The following OR2C1 variants were observed in gnomAD, a reference collection of about 807,000 sequenced individuals.
OR2C1 encodes olfactory receptor 2C1.
For synonymous variants in OR2C1, 209 were observed against 167.3 expected, an observed-to-expected ratio of 1.25 and a Z score of -1.92; for missense variants, 468 against 388.3, an observed-to-expected ratio of 1.21 and a Z score of -1.73.
At chr16:3,326,482 T>C in the OR2C1 span, among the ~76,000 whole-genome samples, 1 of 152,224 alleles carries the variant, frequency 6.6e-6, no homozygotes, top group East Asian at 1.9e-4. Flanking sequence ...TATGGTTCAG[T>C]GCCCTCTGTT....
the OR2C1 span, among the ~76,000 whole-genome samples, chr16:3,348,759 C>G: frequency 6.6e-6 from 1 of 152,302 alleles, no homozygotes; most frequent in Admixed American, 6.5e-5. Context: ...TCTTCTGTGA[C>G]ATCTAACGGC....
chr16:3,337,473 CTG>C, the OR2C1 span, among the ~76,000 whole-genome samples: 73 of 152,172 alleles, frequency 4.8e-4, 1 homozygote, highest in South Asian at 4.2e-4. Context: ...CCATCCCTGA[CTG>C]TGTATTTTAA....
chr16:3,331,870 T>A, the OR2C1 span, among the ~76,000 whole-genome samples: 1 of 151,098 alleles, frequency 6.6e-6, no homozygotes, highest in African/African-American at 2.4e-5. Context: ...ATGTGGCACA[T>A]ATACACCATG....
At chr16:3,332,722 T>TATAC in the OR2C1 span, among the ~76,000 whole-genome samples, 6 of 151,326 alleles carry the variant, frequency 4.0e-5, 1 homozygote, top group Non-Finnish European at 7.4e-5. Context: ...TTCTATTGCA[T>TATAC]ATATATATAT....
chr16:3,351,605 G>A (rs998844926), upstream of OR2C1, among the ~76,000 whole-genome samples: 3 of 152,062 alleles, frequency 2.0e-5, no homozygotes, highest in South Asian at 6.2e-4. Flanking sequence ...AAAAATCTGT[G>A]TACTCCATTA....
chr16:3,330,152 G>T, the OR2C1 span, among the ~76,000 whole-genome samples: 5 of 152,152 alleles, frequency 3.3e-5, no homozygotes, highest in South Asian at 2.1e-4. Context: ...TGTTGCCCAG[G>T]CTGGAGTGCA....
chr16:3,358,052 C>T (rs889117319), downstream of OR2C1, among the ~76,000 whole-genome samples: 4 of 152,004 alleles, frequency 2.6e-5, no homozygotes, highest in Non-Finnish European at 5.9e-5. Context: ...ATCTCTCCAT[C>T]ATCTTGTTTA....
At chr16:3,350,595 T>C in the OR2C1 span, among the ~76,000 whole-genome samples, 3 of 150,750 alleles carry the variant, frequency 2.0e-5, no homozygotes, top group Non-Finnish European at 4.4e-5. Flanking sequence ...GTATTTTTAC[T>C]GGAGACGGGG....
the OR2C1 span, among the ~76,000 whole-genome samples, chr16:3,324,110 T>C: frequency 6.6e-6 from 1 of 152,280 alleles, no homozygotes; most frequent in Admixed American, 6.5e-5. Flanking sequence ...AATTAAATAT[T>C]TGTAGCATTA....
chr16:3,342,324 A>G, the OR2C1 span, among the ~76,000 whole-genome samples: 1 of 152,242 alleles, frequency 6.6e-6, no homozygotes, highest in Non-Finnish European at 1.5e-5. Flanking sequence ...TTATGTCAAT[A>G]TTAAGGATTT....
Position 3,356,629 on chromosome 16 carries a change from C to T in OR2C1, c.689C>T (p.Ser230Phe). 6.2e-7 allele frequency: 1 copy of T among 1,614,196 alleles called. No individual in the cohort carries two copies. Among genetic ancestry groups the T allele is most frequent in the Non-Finnish European group, 8.5e-7 (1 of 1,180,030 alleles). The change falls in exon 1 of 1, where the codon TCT (serine) becomes TTT (phenylalanine). Residue 230 changes from serine to phenylalanine, a missense_variant. Coordinates refer to ENST00000304936, the MANE Select transcript of OR2C1 (RefSeq NM_012368.3). ...GCTCAGGCAGTGCTGAAAATCCGCT[C>T]TGCAGAGGGGAGGCGAAAGGCGTTC... ...LIAQAVLKIR[S>F]AEGRRKAFNT...
rs759582210 is a variant in OR2C1 at position 3,356,596 on chromosome 16, G to A, written c.656G>A (p.Cys219Tyr). Residue 219 changes from cysteine (C) to tyrosine (Y), a missense_variant, in exon 1 of 1, where the codon TGC becomes TAC. Cys to Tyr is a radical substitution (Grantham distance 194). Coordinates refer to ENST00000304936, the MANE Select transcript of OR2C1 (RefSeq NM_012368.3). The stretch of plus-strand genomic sequence containing the variant: ...CTAAGCATCATCGTGATCTCCTACT[G>A]CCTCATTGCTCAGGCAGTGCTGAAA... The part of the protein sequence containing the change: ...VPLSIIVISY[C>Y]LIAQAVLKIR... The A allele has an allele frequency of 1.1e-5, 18 of 1,614,032 alleles. No homozygotes were observed. The highest frequency in any genetic ancestry group is 1.7e-5 in the Admixed American group (1 of 60,000).
chr16:3,347,882 ACAC>A, the OR2C1 span, among the ~76,000 whole-genome samples: 1 of 147,114 alleles, frequency 6.8e-6, no homozygotes, highest in African/African-American at 2.5e-5. Context: ...ACGCACATGC[ACAC>A]ATGCACACAC....
At chr16:3,346,978 C>T in the OR2C1 span, among the ~76,000 whole-genome samples, 1 of 149,998 alleles carries the variant, frequency 6.7e-6, no homozygotes, top group African/African-American at 2.4e-5. Context: ...GTCGCGGTGG[C>T]TCACACCTGT....
At chr16:3,328,069 AT>A in the OR2C1 span, among the ~76,000 whole-genome samples, 2 of 151,988 alleles carry the variant, frequency 1.3e-5, no homozygotes, top group South Asian at 4.1e-4. Flanking sequence ...GTAATGAGGA[AT>A]TTTCTCTCCT....
chr16:3,356,804 C>G lies in OR2C1; in HGVS notation c.864C>G (p.Leu288=). 6.3e-7 allele frequency: 1 copy of G among 1,585,742 alleles called. No individual in the cohort carries two copies. Among genetic ancestry groups the G allele is most frequent in the Non-Finnish European group, 8.6e-7 (1 of 1,164,236 alleles). Reference sequence around the variant, plus strand: ...TGGTCACACCCATGGTGAATCCCCTCATCTACACGCTGCGGAACATGGAAG... The same window carrying G: ...TGGTCACACCCATGGTGAATCCCCTGATCTACACGCTGCGGAACATGGAAG... ...YSLVTPMVNP[L]IYTLRNMEVK... is the part of the protein sequence containing the mutation. The change falls in exon 1 of 1, where the codon CTC becomes CTG. Residue 288 remains leucine (L), a synonymous_variant. Transcript: ENST00000304936.
Position 3,356,262 on chromosome 16 carries a change from G to T in OR2C1, c.322G>T (p.Gly108Trp), listed in dbSNP as rs1224287519. The T allele has an allele frequency of 1.2e-6, 2 of 1,613,936 alleles. No homozygotes were observed. Among genetic ancestry groups the T allele is most frequent in the Non-Finnish European group, 8.5e-7 (1 of 1,180,030 alleles). ...CCAGCTCTATGTCTTCCTTTGGCTGGGGGCCACCGAGTGCATCCTGCTGGT... is the reference window on the plus strand; with the variant it reads ...CCAGCTCTATGTCTTCCTTTGGCTGTGGGCCACCGAGTGCATCCTGCTGGT... Reference protein sequence around the residue: ...ITQLYVFLWLGATECILLVVM... With the variant: ...ITQLYVFLWLWATECILLVVM... The change falls in exon 1 of 1, where the codon GGG becomes TGG. Residue 108 changes from glycine (G) to tryptophan (W), a missense_variant. Gly to Trp is a radical substitution (Grantham distance 184). Coordinates refer to ENST00000304936, the MANE Select transcript of OR2C1 (RefSeq NM_012368.3).
chr16:3,332,720 C>CATATAT, the OR2C1 span, among the ~76,000 whole-genome samples: 889 of 148,690 alleles, frequency 6.0e-3, 7 homozygotes, highest in African/African-American at 0.019. Context: ...TATTCTATTG[C>CATATAT]ATATATATAT....
the OR2C1 span, among the ~76,000 whole-genome samples, chr16:3,330,043 G>A: frequency 8.0e-5 from 12 of 150,896 alleles, no homozygotes; most frequent in Admixed American, 2.0e-4. Flanking sequence ...ATGAGCCACC[G>A]CGCCTGGCCT....
Sources: allele counts gnomAD v4.1 joint callset (sites outside exome capture counted in the v4.1 genomes callset), GRCh38; gene constraint gnomAD v4.1.1; transcripts MANE v1.5; gene names NCBI Gene and HGNC (gene_info 2026-07-23, HGNC 2026-07-21).